CACNA1B: variants seen among roughly 807,000 people sequenced by gnomAD.
The protein encoded by CACNA1B is calcium voltage-gated channel subunit alpha1 B, also known as voltage-dependent N-type calcium channel subunit alpha-1B.
CACNA1B carries 70 observed loss-of-function variants against 247.2 expected under a neutral mutation model. The observed-to-expected ratio is 0.28, with a 90% CI of 0.23 to 0.35. The LOEUF (loss-of-function observed/expected upper bound fraction) is 0.35, where lower values mean the gene tolerates loss of function less well. CACNA1B is among the 10% of genes least tolerant of loss of function. The pLI, the probability that CACNA1B is intolerant of heterozygous loss-of-function variation, is 1.00. For synonymous variants in CACNA1B, 1,231 were observed against 1,294.4 expected, an observed-to-expected ratio of 0.95 and a Z score of 1.05; for missense variants, 2,367 against 3,197.4, an observed-to-expected ratio of 0.74 and a Z score of 6.26.
At chr9:138,069,815 T>A in intron 32 of CACNA1B, 52 bp downstream of exon 32, 1 of 1,561,704 alleles carries the variant, frequency 6.4e-7, no homozygotes, top group Non-Finnish European at 8.8e-7. Context: ...TTGCTCGCTC[T>A]GCTCCTCTCC....
At position 138,100,398 on chromosome 9, in the gene CACNA1B, G is replaced by A. The variant is rs143240771; in HGVS notation, c.5223-2313G>A. Reference sequence around the variant, plus strand: ...CTTTCCACCTGGGCTTGATGGGCAGGGACAGCTGGGGAGGGTGGGGGGTCT... The same window carrying A: ...CTTTCCACCTGGGCTTGATGGGCAGAGACAGCTGGGGAGGGTGGGGGGTCT... On this transcript the variant is annotated intron_variant, in intron 37 of 46. Transcript: ENST00000371372. The surrounding 1 kb of genome is among the most constrained non-coding windows in gnomAD (Gnocchi z 4.6). 1.1e-3 allele frequency among the ~76,000 whole-genome samples: 164 copies of A among 152,326 alleles called. No homozygotes were observed. The highest frequency in any genetic ancestry group is 3.7e-3 in the African/African-American group (153 of 41,562).
rs2131376560 is a variant in CACNA1B at position 138,122,373 on chromosome 9, C to G, written c.*374C>G. The G allele has an allele frequency of 7.9e-6, 2 of 254,190 alleles. No individual in the cohort carries two copies. The highest frequency in any genetic ancestry group is 8.3e-5 in the East Asian group (1 of 12,038). The allele number at this position is 254,190 out of a possible 1,614,324, so 15.7% of individuals were successfully genotyped here. ...GAGCTCTGCGTCCTGTGGGGAGCAC[C>G]CTTCACGTGGCCGTGCGGCACAGAG... On this transcript the variant is annotated 3_prime_UTR_variant, in exon 47 of 47. Transcript: ENST00000371372.
chr9:138,038,138 ATTC>A (rs1458753844), intron 20 of CACNA1B, among the ~76,000 whole-genome samples: 1 of 152,222 alleles, frequency 6.6e-6, no homozygotes, highest in Non-Finnish European at 1.5e-5. Flanking sequence ...GAAGAAAATT[ATTC>A]TTGTAAAATT....
rs541271791 is a variant in CACNA1B at position 137,951,009 on chromosome 9, A to G, written c.967-1265A>G. 6.6e-5 allele frequency among the ~76,000 whole-genome samples: 10 copies of G among 152,326 alleles called. No homozygotes were observed. The East Asian group carries it at 1.9e-3, about 29-fold the overall frequency. ...CTGGGGAGGGAAATTGCGGGAGCCAAGTGCTTGAGCAGGTGAGAGGGGCTG... is the reference window on the plus strand; with the variant it reads ...CTGGGGAGGGAAATTGCGGGAGCCAGGTGCTTGAGCAGGTGAGAGGGGCTG... On this transcript the variant is annotated intron_variant, in intron 6 of 46. Transcript: ENST00000371372.
At position 138,121,904 on chromosome 9, in the gene CACNA1B, C is replaced by T. The variant is rs371481501; in HGVS notation, c.6925C>T (p.Arg2309Cys). Residue 2309 changes from arginine (R) to cysteine (C), a missense_variant, in exon 47 of 47, where the codon CGC becomes TGC. Around this residue, in one of 12 missense-constraint regions of CACNA1B, gnomAD observed 773 missense variants for 779.4 expected, o/e 0.99. Transcript: ENST00000371372. This position sits in a 1 kb window ranked among gnomAD's most constrained non-coding sequence, Gnocchi z 6.8. ...GACCTCCCAGTCTCACCCTCTCCGCCGCGTGCCCAACGGTTACCACTGCAC... is the reference window on the plus strand; with the variant it reads ...GACCTCCCAGTCTCACCCTCTCCGCTGCGTGCCCAACGGTTACCACTGCAC... The part of the protein sequence containing the change: ...SLTSQSHPLR[R>C]VPNGYHCTLG... The T allele has an allele frequency of 8.1e-6, 13 of 1,612,132 alleles. No individual in the cohort carries two copies. The highest frequency in any genetic ancestry group is 3.3e-5 in the South Asian group (3 of 91,092).
intron 23 of CACNA1B, 124 bp from the exon 24 acceptor site, chr9:138,049,085 G>T: frequency 1.4e-6 from 1 of 711,534 alleles, no homozygotes; most frequent in South Asian, 1.6e-5. Context: ...CAACTCCCGG[G>T]CTTAAGCAGT....
At chr9:138,080,649 G>A (rs560989723) in intron 36 of CACNA1B, among the ~76,000 whole-genome samples, 17 of 152,310 alleles carry the variant, frequency 1.1e-4, no homozygotes, top group African/African-American at 4.1e-4. Context: ...AGCAAGCCAG[G>A]TGCTAAGTTT....
chr9:137,882,701 C>G lies in CACNA1B; in HGVS notation c.391-43C>G. On this transcript the variant is annotated intron_variant, in intron 2 of 46. Coordinates refer to ENST00000371372, the MANE Select transcript of CACNA1B (RefSeq NM_000718.4). The surrounding 1 kb of genome is among the most constrained non-coding windows in gnomAD (Gnocchi z 4.0). ...CAACCGTCTCTGCCCGCTACTACACCGGGTAGGGGCCAGGGGTGACCACTG... is the reference window on the plus strand; with the variant it reads ...CAACCGTCTCTGCCCGCTACTACACGGGGTAGGGGCCAGGGGTGACCACTG... 1 of 1,611,092 alleles carries G rather than the reference C, an allele frequency of 6.2e-7. No individual in the cohort carries two copies. Among genetic ancestry groups the G allele is most frequent in the Non-Finnish European group, 8.5e-7 (1 of 1,177,702 alleles).
rs913542943 is a variant in CACNA1B at position 137,881,327 on chromosome 9, G to T, written c.391-1417G>T. Among the ~76,000 whole-genome samples the T allele has an allele frequency of 1.3e-5, 2 of 152,176 alleles. No homozygotes were observed. Among genetic ancestry groups the T allele is most frequent in the Non-Finnish European group, 2.9e-5 (2 of 68,024 alleles). On this transcript the variant is annotated intron_variant, in intron 2 of 46. Transcript: ENST00000371372. This position sits in a 1 kb window ranked among gnomAD's most constrained non-coding sequence, Gnocchi z 4.3. ...CCAGGTACTGCCAGCCAAGCCTTGG[G>T]CCAGCTCCACCACAGGACAGGAGGA...
intron 2 of CACNA1B, 132 bp downstream of exon 2, chr9:137,879,291 A>G: frequency 1.6e-6 from 1 of 630,768 alleles, no homozygotes; most frequent in Non-Finnish European, 2.8e-6. Context: ...CTGAAGGAAA[A>G]GGTAGGCCTG....
chr9:138,040,269 G>C (rs1466552851), intron 20 of CACNA1B, among the ~76,000 whole-genome samples: 2 of 151,998 alleles, frequency 1.3e-5, no homozygotes. Flanking sequence ...TCTCATCTAA[G>C]AATTCCTGTA....
chr9:138,105,783 G>A lies in CACNA1B; in HGVS notation c.5404G>A (p.Ala1802Thr), dbSNP rs1961403532. Residue 1802 changes from alanine (A) to threonine (T), a missense_variant, in exon 39 of 47, where the codon GCA becomes ACA. Around this residue, in one of 12 missense-constraint regions of CACNA1B, gnomAD observed 773 missense variants for 779.4 expected, o/e 0.99. Coordinates refer to ENST00000371372, the MANE Select transcript of CACNA1B (RefSeq NM_000718.4). ...CACGCTGATGGCCCTCATCCGGACG[G>A]CACTGGAGATCAAGCTGGCCCCAGG... ...TSTLMALIRT[A>T]LEIKLAPAGT... The A allele has an allele frequency of 6.4e-7, 1 of 1,558,664 alleles. No homozygotes were observed.
chr9:137,894,751 C>T (rs1957154381), intron 3 of CACNA1B, among the ~76,000 whole-genome samples: 1 of 152,132 alleles, frequency 6.6e-6, no homozygotes, highest in Admixed American at 6.6e-5. Flanking sequence ...ATATTTTGCT[C>T]ATATTCCAGT....
At chr9:137,948,201 G>A (rs543123619) in intron 6 of CACNA1B, among the ~76,000 whole-genome samples, 6 of 152,140 alleles carry the variant, frequency 3.9e-5, no homozygotes, top group African/African-American at 9.6e-5. Flanking sequence ...GGCTGGTCTC[G>A]CACTCCTGAC....
chr9:137,952,328 A>G lies in CACNA1B; in HGVS notation c.1021A>G (p.Ile341Val), dbSNP rs779356651. The change falls in exon 7 of 47, where the codon ATC becomes GTC. Residue 341 changes from isoleucine to valine, a missense_variant. Coordinates refer to ENST00000371372, the MANE Select transcript of CACNA1B (RefSeq NM_000718.4). This position sits in a 1 kb window ranked among gnomAD's most constrained non-coding sequence, Gnocchi z 4.8. ...WNWLYFIPLIIIGSFFMLNLV... is the reference protein window; with the variant it reads ...WNWLYFIPLIVIGSFFMLNLV... ...CTGGCTCTACTTCATCCCTCTCATCATCATCGGCTCCTTCTTCATGCTCAA... is the reference window on the plus strand; with the variant it reads ...CTGGCTCTACTTCATCCCTCTCATCGTCATCGGCTCCTTCTTCATGCTCAA... 5 of 1,613,022 alleles carry G rather than the reference A, an allele frequency of 3.1e-6. No homozygotes were observed. Among genetic ancestry groups the G allele is most frequent in the South Asian group, 1.1e-5 (1 of 91,038 alleles).
chr9:138,105,770 C>T lies in CACNA1B; in HGVS notation c.5391C>T (p.Ala1797=). The part of the protein sequence containing the change: ...MTVHFTSTLM[A]LIRTALEIKL... Reference sequence around the variant, plus strand: ...TTCACTTCACGTCCACGCTGATGGCCCTCATCCGGACGGCACTGGAGATCA... The same window carrying T: ...TTCACTTCACGTCCACGCTGATGGCTCTCATCCGGACGGCACTGGAGATCA... Residue 1797 remains alanine, a synonymous_variant, in exon 39 of 47, where the codon GCC becomes GCT. Transcript: ENST00000371372. 1 of 1,564,956 alleles carries T rather than the reference C, an allele frequency of 6.4e-7. No homozygotes were observed.
intron 6 of CACNA1B, among the ~76,000 whole-genome samples, chr9:137,945,653 CT>C (rs1957787148): frequency 1.3e-5 from 2 of 152,224 alleles, no homozygotes; most frequent in African/African-American, 4.8e-5. Context: ...TTGTTCAAAC[CT>C]TTGGATTTTT....
chr9:137,976,086 C>T lies in CACNA1B; in HGVS notation c.1656+67C>T. On this transcript the variant is annotated intron_variant, in intron 12 of 46. Coordinates refer to ENST00000371372, the MANE Select transcript of CACNA1B (RefSeq NM_000718.4). ...CCTGCAGGTGCACACAGCCCCCTCCCATAGGCCATGCCCAGTGTGGGCTGG... is the reference window on the plus strand; with the variant it reads ...CCTGCAGGTGCACACAGCCCCCTCCTATAGGCCATGCCCAGTGTGGGCTGG... 3 of 960,762 alleles carry T rather than the reference C, an allele frequency of 3.1e-6. No homozygotes were observed. The South Asian group carries it at 4.1e-5, about 13-fold the overall frequency. 59.5% of individuals were successfully genotyped at this position (960,762 alleles called of 1,614,324 possible).
At position 138,121,747 on chromosome 9, in the gene CACNA1B, T is replaced by A. The variant is rs377428096; in HGVS notation, c.6768T>A (p.Ser2256=). 26 of 1,613,288 alleles carry A rather than the reference T, an allele frequency of 1.6e-5. No homozygotes were observed. The highest frequency in any genetic ancestry group is 2.0e-5 in the Non-Finnish European group (24 of 1,179,894). The part of the protein sequence containing the change: ...QPLAPGSRIG[S]DPYLGQRLDS... Reference sequence around the variant, plus strand: ...TGGCCCCTGGCTCTCGAATTGGCTCTGACCCTTACCTGGGGCAGCGTCTGG... The same window carrying A: ...TGGCCCCTGGCTCTCGAATTGGCTCAGACCCTTACCTGGGGCAGCGTCTGG... The change falls in exon 47 of 47, where the codon TCT becomes TCA. Residue 2256 remains serine (S), a synonymous_variant. Coordinates refer to ENST00000371372, the MANE Select transcript of CACNA1B (RefSeq NM_000718.4). The surrounding 1 kb of genome is among the most constrained non-coding windows in gnomAD (Gnocchi z 6.8).
Sources: gnomAD v4.1 joint callset for allele counts (sites outside exome capture counted in the v4.1 genomes callset) on GRCh38, gnomAD v4.1.1 for gene constraint, gnomAD v4.1.1 regional missense constraint, Gnocchi (gnomAD v3.1) non-coding constraint, MANE v1.5 for transcripts, NCBI Gene and HGNC (gene_info 2026-07-23, HGNC 2026-07-21) for gene names.